The following TTC23 variants were observed in gnomAD, a reference collection of about 807,000 sequenced individuals.
TTC23 encodes the protein tetratricopeptide repeat domain 23.
A neutral mutation model predicts 55.1 loss-of-function variants in TTC23; 58 were observed. The observed-to-expected ratio is 1.05, with a 90% CI of 0.85 to 1.31. The LOEUF (loss-of-function observed/expected upper bound fraction) is 1.31, where lower values mean the gene tolerates loss of function less well. TTC23 is among the 50% of genes most tolerant of loss of function. The probability of loss-of-function intolerance (pLI) is 0.00; values close to 1 mark genes in which losing one functional copy is unlikely to be tolerated. For synonymous variants in TTC23, 203 were observed against 199.9 expected, an observed-to-expected ratio of 1.02 and a Z score of -0.13; for missense variants, 516 against 534.4, an observed-to-expected ratio of 0.97 and a Z score of 0.34.
chr15:99,183,562 A>G (rs1385817373), intron 9 of TTC23, among the ~76,000 whole-genome samples: 40 of 144,486 alleles, frequency 2.8e-4, no homozygotes, highest in African/African-American at 8.9e-4. Context: ...GATGGTCTCA[A>G]TCTCCTGACC....
In TTC23 at chr15:99,240,397, T is replaced by A. The variant is rs534558361; in HGVS notation, c.-114+968A>T. Among the ~76,000 whole-genome samples, 87 of 152,220 alleles carry A rather than the reference T, an allele frequency of 5.7e-4. 1 individual carries two copies. Among genetic ancestry groups the A allele is most frequent in the Middle Eastern group, 6.8e-3 (2 of 294 alleles). ...GCTCATCTAACTTGTATATATATAT[T>A]TTTTTTCGCCAGTTAAAAAAAATTG... On this transcript the variant is annotated intron_variant, in intron 3 of 13. Coordinates refer to ENST00000394132, the MANE Select transcript of TTC23 (RefSeq NM_001288615.3).
At position 99,241,783 on chromosome 15, in the gene TTC23, A is replaced by C. The variant is rs1189032118; in HGVS notation, c.-308-224T>G. On this transcript the variant is annotated intron_variant, in intron 2 of 13. Coordinates refer to ENST00000394132, the MANE Select transcript of TTC23 (RefSeq NM_001288615.3). ...CCGTTGGAGGCTGACTTGTGGAGAG[A>C]TGTAGGGGAGCCTGAGGAAGGGGCA... Among the ~76,000 whole-genome samples, 4 of 152,194 alleles carry C rather than the reference A, an allele frequency of 2.6e-5. No homozygotes were observed. In the East Asian group the frequency reaches 7.7e-4, roughly 29 times the overall value.
chr15:99,240,515 G>C (rs2152093275), intron 3 of TTC23, among the ~76,000 whole-genome samples: 1 of 152,304 alleles, frequency 6.6e-6, no homozygotes, highest in East Asian at 1.9e-4. Context: ...GTCAACACTA[G>C]ATCTATGCCA....
intron 12 of TTC23, chr15:99,155,865 G>C: frequency 2.1e-6 from 1 of 479,170 alleles, no homozygotes; most frequent in Non-Finnish European, 3.7e-6. Flanking sequence ...TATAGAGAGA[G>C]CACCGCAAAC....
chr15:99,144,401 A>G (rs1249336928), intron 12 of TTC23: 5 of 152,200 alleles, frequency 3.3e-5, no homozygotes, highest in African/African-American at 9.6e-5. Context: ...CTCAGGAAGA[A>G]TATTTTCTGT....
At chr15:99,232,415 G>A (rs990964127) in intron 4 of TTC23, among the ~76,000 whole-genome samples, 1 of 150,842 alleles carries the variant, frequency 6.6e-6, no homozygotes, top group African/African-American at 2.4e-5. Flanking sequence ...GGAGGCGGAG[G>A]TTGCAGTGAG....
intron 4 of TTC23, among the ~76,000 whole-genome samples, chr15:99,229,993 C>T (rs1274538983): frequency 6.6e-6 from 1 of 152,190 alleles, no homozygotes. Flanking sequence ...AAATAACCAA[C>T]ACCTAACGAG....
At chr15:99,147,069 C>G (rs960779359) in intron 12 of TTC23, among the ~76,000 whole-genome samples, 1 of 151,274 alleles carries the variant, frequency 6.6e-6, no homozygotes, top group South Asian at 2.1e-4. Flanking sequence ...CACACGCCAC[C>G]ACACCTGGCT....
chr15:99,141,156 G>A (rs2068185971), intron 12 of TTC23: 1 of 152,034 alleles, frequency 6.6e-6, no homozygotes, highest in Non-Finnish European at 1.5e-5. Context: ...TAGCCCCTTT[G>A]TAAAACAATT....
Position 99,148,128 on chromosome 15 carries a change from C to T in TTC23, c.1143+8020G>A, listed in dbSNP as rs149889565. 1.2e-3 allele frequency among the ~76,000 whole-genome samples: 177 copies of T among 151,704 alleles called. 2 individuals are homozygous for T. Among genetic ancestry groups the T allele is most frequent in the African/African-American group, 4.1e-3 (168 of 41,350 alleles). ...CTGTAAGCCTAGCACTTTGGGAGGC[C>T]GAGGCAGGTGGATCATGAGGTCAGG... On this transcript the variant is annotated intron_variant, in intron 12 of 13. Coordinates refer to ENST00000394132, the MANE Select transcript of TTC23 (RefSeq NM_001288615.3).
At chr15:99,204,051 G>C (rs1252291843) in intron 8 of TTC23, among the ~76,000 whole-genome samples, 3 of 152,090 alleles carry the variant, frequency 2.0e-5, no homozygotes, top group African/African-American at 7.2e-5. Context: ...TTTATTATTA[G>C]TTTTCTGAGG....
At chr15:99,186,602 A>G (rs1270185674) in intron 9 of TTC23, among the ~76,000 whole-genome samples, 1 of 152,196 alleles carries the variant, frequency 6.6e-6, no homozygotes, top group Non-Finnish European at 1.5e-5. Flanking sequence ...GCACTAATAA[A>G]TGAGTTCAGC....
chr15:99,198,682 T>C (rs541172051), intron 9 of TTC23, among the ~76,000 whole-genome samples: 5 of 152,200 alleles, frequency 3.3e-5, no homozygotes, highest in African/African-American at 7.2e-5. Flanking sequence ...TATCTACAAA[T>C]GGGAAATAAT....
rs561998348 is a variant in TTC23 at position 99,207,499 on chromosome 15, C to T, written c.582-7403G>A. Among the ~76,000 whole-genome samples, 34 of 152,312 alleles carry T rather than the reference C, an allele frequency of 2.2e-4. No individual in the cohort carries two copies. The South Asian group carries it at 6.6e-3, about 30-fold the overall frequency. On this transcript the variant is annotated intron_variant, in intron 8 of 13. Transcript: ENST00000394132. ...AAGGGCCAGGTGCGGTAGCTCATGC[C>T]TGTAATCCCAGCACTTTGGGGAGGC...
intron 9 of TTC23, among the ~76,000 whole-genome samples, chr15:99,191,467 C>A (rs1418396537): frequency 6.6e-6 from 1 of 152,198 alleles, no homozygotes; most frequent in Non-Finnish European, 1.5e-5. Context: ...CATGGTTTGG[C>A]TCTGTGTCTT....
chr15:99,153,066 T>C (rs1442855840), intron 12 of TTC23, among the ~76,000 whole-genome samples: 1 of 152,224 alleles, frequency 6.6e-6, no homozygotes, highest in Non-Finnish European at 1.5e-5. Context: ...CCCAAAGTTC[T>C]AGGATTACAG....
chr15:99,155,163 C>A (rs1428398873), intron 12 of TTC23, among the ~76,000 whole-genome samples: 4 of 151,764 alleles, frequency 2.6e-5, no homozygotes, highest in African/African-American at 9.7e-5. Flanking sequence ...TTAAAAAAAT[C>A]AAAAGATATA....
At chr15:99,238,843 T>C (rs2079535088) in intron 3 of TTC23, among the ~76,000 whole-genome samples, 1 of 152,196 alleles carries the variant, frequency 6.6e-6, no homozygotes, top group Admixed American at 6.5e-5. Flanking sequence ...TAATACCTTG[T>C]GAATATCCCA....
At chr15:99,232,179 T>C (rs2078987285) in intron 4 of TTC23, among the ~76,000 whole-genome samples, 1 of 151,070 alleles carries the variant, frequency 6.6e-6, no homozygotes, top group South Asian at 2.1e-4. Flanking sequence ...AGAGTAAGGA[T>C]ATAAAGAAAG....
Sources: allele counts gnomAD v4.1 joint callset (sites outside exome capture counted in the v4.1 genomes callset), GRCh38; gene constraint gnomAD v4.1.1; transcripts MANE v1.5; gene names NCBI Gene and HGNC (gene_info 2026-07-23, HGNC 2026-07-21).